Variants in EFR3A observed in about 807,000 individuals in gnomAD.
EFR3A encodes protein EFR3 homolog A.
EFR3A carries 76 observed loss-of-function variants against 104.4 expected under a neutral mutation model. The observed-to-expected ratio is 0.73, with a 90% CI of 0.60 to 0.88. EFR3A has a LOEUF of 0.88. Among genes scored for constraint, EFR3A ranks in the 40% least tolerant of loss-of-function variants. EFR3A has a pLI of 0.00. For missense variants in EFR3A, 985 were observed against 1,012.5 expected (o/e 0.97, Z 0.37); for synonymous variants, 330 against 330.0 (o/e 1.00, Z 0.00).
chr8:131,981,698 T>C (rs927892504), intron 14 of EFR3A, among the ~76,000 whole-genome samples: 1 of 152,092 alleles, frequency 6.6e-6, no homozygotes, highest in African/African-American at 2.4e-5. Context: ...GCATAGACAG[T>C]ATATTTTCTA....
Position 131,968,799 on chromosome 8 carries a change from G to A in EFR3A, c.991+369G>A, listed in dbSNP as rs182436536. Reference sequence around the variant, plus strand: ...ATCACATATCATTTAAAAAGCCAGGGTTTACAGAAGGGAGGGAAAATGGAT... The same window carrying A: ...ATCACATATCATTTAAAAAGCCAGGATTTACAGAAGGGAGGGAAAATGGAT... On this transcript the variant is annotated intron_variant, in intron 9 of 22. Coordinates refer to ENST00000254624, the MANE Select transcript of EFR3A (RefSeq NM_015137.6). 6.6e-5 allele frequency among the ~76,000 whole-genome samples: 10 copies of A among 152,208 alleles called. No individual in the cohort carries two copies. The East Asian group carries it at 1.9e-3, about 29-fold the overall frequency.
chr8:131,997,056 A>G (rs1821531105), intron 19 of EFR3A, among the ~76,000 whole-genome samples: 1 of 152,072 alleles, frequency 6.6e-6, no homozygotes, highest in South Asian at 2.1e-4. Context: ...TTAAAACATC[A>G]TAGATTTCAT....
At chr8:131,972,620 A>G (rs1311595921) in intron 10 of EFR3A, among the ~76,000 whole-genome samples, 2 of 152,134 alleles carry the variant, frequency 1.3e-5, no homozygotes, top group South Asian at 2.1e-4. Context: ...TTTTCTTTCA[A>G]TATTTTCTTT....
chr8:131,938,190 T>A (rs529463202), intron 1 of EFR3A: 3 of 396,980 alleles, frequency 7.6e-6, no homozygotes, highest in Non-Finnish European at 1.3e-5. Flanking sequence ...GGATCTAGAG[T>A]CAGAAAGATC....
At chr8:131,928,156 C>T (rs1309969374) in intron 1 of EFR3A, among the ~76,000 whole-genome samples, 2 of 151,570 alleles carry the variant, frequency 1.3e-5, no homozygotes, top group African/African-American at 4.9e-5. Flanking sequence ...GATTGGTTGA[C>T]TAGTCATGAA....
chr8:131,920,060 A>G (rs1193324448), intron 1 of EFR3A, among the ~76,000 whole-genome samples: 1 of 152,178 alleles, frequency 6.6e-6, no homozygotes, highest in Non-Finnish European at 1.5e-5. Context: ...CTTAGCTTCA[A>G]AACTGGATTT....
At position 131,944,749 on chromosome 8, in the gene EFR3A, G is replaced by T; in HGVS notation, c.92G>T (p.Gly31Val). ...DNIFPEDPKD[G>V]LVKTDMEKLT... ...TTATCTTGTTATTGTTTTTAGGATGGCCTTGTGAAAACTGATATGGAGAAA... is the reference window on the plus strand; with the variant it reads ...TTATCTTGTTATTGTTTTTAGGATGTCCTTGTGAAAACTGATATGGAGAAA... Residue 31 changes from glycine (G) to valine (V), a missense_variant, in exon 3 of 23, where the codon GGC (glycine) becomes GTC (valine). Coordinates refer to ENST00000254624, the MANE Select transcript of EFR3A (RefSeq NM_015137.6). 6.3e-7 allele frequency: 1 copy of T among 1,588,766 alleles called. No homozygotes were observed. Among genetic ancestry groups the T allele is most frequent in the Non-Finnish European group, 8.6e-7 (1 of 1,168,504 alleles).
chr8:131,925,082 TTCTTAG>T (rs1817235169), intron 1 of EFR3A, among the ~76,000 whole-genome samples: 1 of 152,100 alleles, frequency 6.6e-6, no homozygotes, highest in South Asian at 2.1e-4. Context: ...AACCTCTGGT[TTCTTAG>T]TCTTAGTTCC....
chr8:131,964,060 T>G (rs1250662215), intron 8 of EFR3A, among the ~76,000 whole-genome samples: 3 of 152,196 alleles, frequency 2.0e-5, no homozygotes, highest in African/African-American at 4.8e-5. Flanking sequence ...TAGGTATTGA[T>G]GGGACGTATC....
chr8:131,925,614 G>A (rs1044194908), intron 1 of EFR3A, among the ~76,000 whole-genome samples: 1 of 152,004 alleles, frequency 6.6e-6, no homozygotes, highest in East Asian at 1.9e-4. Flanking sequence ...TCTGAATGAG[G>A]AAGTTCTTAG....
chr8:131,970,925 C>T (rs764143036), intron 10 of EFR3A, among the ~76,000 whole-genome samples: 1 of 152,026 alleles, frequency 6.6e-6, no homozygotes, highest in Non-Finnish European at 1.5e-5. Flanking sequence ...CCTCCCTTCT[C>T]TCTCTCTCTG....
chr8:132,009,817 A>G (rs1321793883), intron 22 of EFR3A, among the ~76,000 whole-genome samples: 2 of 152,130 alleles, frequency 1.3e-5, no homozygotes, highest in East Asian at 3.8e-4. Flanking sequence ...TAACTAAAAA[A>G]CTAAAAATTA....
At chr8:131,985,107 G>A (rs760960702) in intron 16 of EFR3A, 47 bp downstream of exon 16, 4 of 1,537,826 alleles carry the variant, frequency 2.6e-6, no homozygotes, top group South Asian at 1.2e-5. Flanking sequence ...GTACAAAATT[G>A]CTAATTTTAT....
At chr8:131,986,312 A>G (rs551828249) in intron 17 of EFR3A, 51 bp downstream of exon 17, 19 of 894,098 alleles carry the variant, frequency 2.1e-5, no homozygotes, top group African/African-American at 2.0e-4. Flanking sequence ...TGATAAACCC[A>G]TCAGTAATAA....
intron 9 of EFR3A, 134 bp from the exon 10 acceptor site, chr8:131,970,342 A>G: frequency 1.2e-6 from 1 of 833,686 alleles, no homozygotes; most frequent in Non-Finnish European, 1.8e-6. Context: ...AAAAAAATGA[A>G]ATAGTTTATA....
intron 1 of EFR3A, among the ~76,000 whole-genome samples, chr8:131,907,285 A>G (rs1306092450): frequency 2.0e-5 from 3 of 152,260 alleles, no homozygotes; most frequent in Non-Finnish European, 4.4e-5. Context: ...TCTTGTTTAT[A>G]TAGACACAAA....
rs73349387 is a variant in EFR3A at position 131,997,680 on chromosome 8, G to C, written c.2157+1183G>C. Among the ~76,000 whole-genome samples the C allele has an allele frequency of 5.8e-3, 880 of 152,058 alleles. 9 individuals are homozygous for C. Among genetic ancestry groups the C allele is most frequent in the African/African-American group, 0.02 (838 of 41,518 alleles). Reference sequence around the variant, plus strand: ...TACCAGTAAGAAGAGTATCTTGCTAGTTCTGTCTTTTAATGATTATGAATT... The same window carrying C: ...TACCAGTAAGAAGAGTATCTTGCTACTTCTGTCTTTTAATGATTATGAATT... On this transcript the variant is annotated intron_variant, in intron 19 of 22. Coordinates refer to ENST00000254624, the MANE Select transcript of EFR3A (RefSeq NM_015137.6).
intron 1 of EFR3A, among the ~76,000 whole-genome samples, chr8:131,932,756 G>A (rs1390952111): frequency 6.6e-6 from 1 of 152,018 alleles, no homozygotes; most frequent in Admixed American, 6.6e-5. Context: ...TACAAATATA[G>A]GGAAACACTT....
intron 19 of EFR3A, among the ~76,000 whole-genome samples, chr8:131,999,542 ACCACTT>A (rs1314062902): frequency 6.6e-6 from 1 of 151,664 alleles, no homozygotes; most frequent in African/African-American, 2.4e-5. Context: ...GTGCCTTTGC[ACCACTT>A]CTCTATAACT....
Sources: allele counts gnomAD v4.1 joint callset (sites outside exome capture counted in the v4.1 genomes callset), GRCh38; gene constraint gnomAD v4.1.1; transcripts MANE v1.5; gene names NCBI Gene and HGNC (gene_info 2026-07-23, HGNC 2026-07-21).